The following KHDRBS2 variants were observed in gnomAD, a reference collection of about 807,000 sequenced individuals.
The protein encoded by KHDRBS2 is KH RNA binding domain containing, signal transduction associated 2, also known as KH domain-containing, RNA-binding, signal transduction-associated protein 2.
A neutral mutation model predicts 44.3 loss-of-function variants in KHDRBS2; 26 were observed. That is an observed-to-expected ratio of 0.59 (90% CI 0.43 to 0.81). KHDRBS2 has a LOEUF of 0.81. Ranked by LOEUF, KHDRBS2 falls within the 40% of genes least tolerant of loss-of-function variation. KHDRBS2 has a pLI of 0.00. For synonymous variants in KHDRBS2, 194 were observed against 151.1 expected, an observed-to-expected ratio of 1.28 and a Z score of -2.08; for missense variants, 476 against 433.1, an observed-to-expected ratio of 1.10 and a Z score of -0.88.
intron 7 of KHDRBS2, among the ~76,000 whole-genome samples, chr6:61,729,860 AAT>A (rs1179675313): frequency 6.6e-5 from 10 of 152,132 alleles, no homozygotes; most frequent in Non-Finnish European, 1.2e-4. Flanking sequence ...ATTCTTTAGA[AAT>A]ATATGTTTTG....
At chr6:62,134,963 T>G (rs1584896864) in intron 2 of KHDRBS2, among the ~76,000 whole-genome samples, 1 of 152,282 alleles carries the variant, frequency 6.6e-6, no homozygotes, top group Middle Eastern at 3.4e-3. Context: ...CAGATGAGAC[T>G]TTGGACTGTG....
chr6:62,097,298 G>A (rs1271656949), intron 2 of KHDRBS2, among the ~76,000 whole-genome samples: 1 of 151,788 alleles, frequency 6.6e-6, no homozygotes, highest in Non-Finnish European at 1.5e-5. Context: ...TTCCTATTTG[G>A]ATGATCTGTC....
chr6:61,675,082 T>C (rs1468309110), downstream of KHDRBS2, among the ~76,000 whole-genome samples: 1 of 151,752 alleles, frequency 6.6e-6, no homozygotes, highest in East Asian at 2.0e-4. Context: ...AAATGTATGA[T>C]AGATTATTAT....
intron 8 of KHDRBS2, among the ~76,000 whole-genome samples, chr6:61,686,850 G>C (rs1281154206): frequency 6.7e-6 from 1 of 150,288 alleles, no homozygotes; most frequent in Non-Finnish European, 1.5e-5. Context: ...TATATAATTA[G>C]TATTAATTAT....
At chr6:61,709,625 C>T (rs182974762) in intron 7 of KHDRBS2, among the ~76,000 whole-genome samples, 52 of 151,538 alleles carry the variant, frequency 3.4e-4, no homozygotes, top group Admixed American at 2.7e-3. Flanking sequence ...CATGAATGAG[C>T]GGTGAGCAAT....
chr6:61,991,015 C>T (rs546674426), intron 3 of KHDRBS2, among the ~76,000 whole-genome samples: 1 of 152,190 alleles, frequency 6.6e-6, no homozygotes, highest in Admixed American at 6.6e-5. Context: ...GCCTGATAAC[C>T]CTTTTTTAGC....
intron 3 of KHDRBS2, among the ~76,000 whole-genome samples, chr6:62,005,915 A>G (rs1779127916): frequency 6.6e-6 from 1 of 152,012 alleles, no homozygotes; most frequent in Non-Finnish European, 1.5e-5. Context: ...GATTACTAAC[A>G]TTGACGAAAT....
intron 1 of KHDRBS2, among the ~76,000 whole-genome samples, chr6:62,186,711 T>C (rs955631408): frequency 3.9e-5 from 6 of 152,046 alleles, no homozygotes; most frequent in Non-Finnish European, 7.4e-5. Flanking sequence ...AGTATTGTCA[T>C]CTAACATTAA....
At chr6:61,711,500 A>G (rs1228852343) in intron 7 of KHDRBS2, among the ~76,000 whole-genome samples, 2 of 151,896 alleles carry the variant, frequency 1.3e-5, no homozygotes, top group Non-Finnish European at 2.9e-5. Context: ...ACTCAAGATA[A>G]TGTTAGAACT....
intron 2 of KHDRBS2, among the ~76,000 whole-genome samples, chr6:62,079,057 G>C (rs538417725): frequency 1.3e-5 from 2 of 151,832 alleles, no homozygotes; most frequent in South Asian, 4.2e-4. Context: ...AAATTCAGCG[G>C]GACATATCTA....
At chr6:61,602,331 G>A in the KHDRBS2 span, among the ~76,000 whole-genome samples, 3 of 152,244 alleles carry the variant, frequency 2.0e-5, no homozygotes, top group African/African-American at 4.8e-5. Context: ...GAACCGCAGT[G>A]GCCAGGCATT....
intron 6 of KHDRBS2, among the ~76,000 whole-genome samples, chr6:61,788,306 T>C (rs1341633765): frequency 6.6e-6 from 1 of 151,532 alleles, no homozygotes; most frequent in African/African-American, 2.4e-5. Context: ...CACTTCTAGC[T>C]TTTAAATAAG....
At chr6:61,557,219 T>C in the KHDRBS2 span, among the ~76,000 whole-genome samples, 1 of 152,192 alleles carries the variant, frequency 6.6e-6, no homozygotes, top group African/African-American at 2.4e-5. Flanking sequence ...GCATTATATA[T>C]GCTTATACTT....
intron 2 of KHDRBS2, among the ~76,000 whole-genome samples, chr6:62,133,937 G>A (rs1219096377): frequency 6.6e-6 from 1 of 152,154 alleles, no homozygotes; most frequent in African/African-American, 2.4e-5. Context: ...CTTGGGCGCT[G>A]TAAAAAGCAT....
At chr6:62,166,064 T>G (rs1184894288) in intron 2 of KHDRBS2, among the ~76,000 whole-genome samples, 1 of 152,048 alleles carries the variant, frequency 6.6e-6, no homozygotes, top group Non-Finnish European at 1.5e-5. Flanking sequence ...ATATATTTGT[T>G]CTTTTTGACT....
At chr6:62,157,754 G>T (rs1816774669) in intron 2 of KHDRBS2, among the ~76,000 whole-genome samples, 1 of 151,948 alleles carries the variant, frequency 6.6e-6, no homozygotes, top group Non-Finnish European at 1.5e-5. Flanking sequence ...CCAAACATTT[G>T]AACAAAGAAG....
intron 2 of KHDRBS2, among the ~76,000 whole-genome samples, chr6:62,135,059 T>C (rs191016450): frequency 1.3e-5 from 2 of 152,166 alleles, no homozygotes; most frequent in Admixed American, 1.3e-4. Context: ...GGACATGAGA[T>C]TTGGGAGGGA....
intron 7 of KHDRBS2, among the ~76,000 whole-genome samples, chr6:61,709,270 T>C (rs2127549768): frequency 6.6e-6 from 1 of 151,758 alleles, no homozygotes; most frequent in Non-Finnish European, 1.5e-5. Context: ...TTTTAGTTGA[T>C]GGTATTTAAT....
intron 6 of KHDRBS2, among the ~76,000 whole-genome samples, chr6:61,789,127 T>TA (rs1376828899): frequency 3.3e-5 from 5 of 151,448 alleles, no homozygotes; most frequent in Non-Finnish European, 5.9e-5. Context: ...TGGCATCTAA[T>TA]AATCTTCAAA....
Sources: allele counts gnomAD v4.1 joint callset (sites outside exome capture counted in the v4.1 genomes callset), GRCh38; gene constraint gnomAD v4.1.1; transcripts MANE v1.5; gene names NCBI Gene and HGNC (gene_info 2026-07-23, HGNC 2026-07-21).